Variants in ACSL1 observed in about 807,000 individuals in gnomAD.
ACSL1 encodes the protein acyl-CoA synthetase long chain family member 1.
A neutral mutation model predicts 98.4 loss-of-function variants in ACSL1; 41 were observed. The observed-to-expected ratio is 0.42, with a 90% CI of 0.32 to 0.54. The LOEUF (loss-of-function observed/expected upper bound fraction) is 0.54, where lower values mean the gene tolerates loss of function less well. Among genes scored for constraint, ACSL1 ranks in the 20% least tolerant of loss-of-function variants. The probability of loss-of-function intolerance (pLI) is 0.13; values close to 1 mark genes in which losing one functional copy is unlikely to be tolerated. For missense variants in ACSL1, 734 were observed against 883.1 expected (o/e 0.83, Z 2.14); for synonymous variants, 316 against 322.7 (o/e 0.98, Z 0.22).
At chr4:184,793,739 C>T (rs180805682) in intron 2 of ACSL1, among the ~76,000 whole-genome samples, 83 of 152,278 alleles carry the variant, frequency 5.5e-4, no homozygotes, top group Non-Finnish European at 2.9e-5. Context: ...CTGCCAAAGA[C>T]GTGGCTGGGT....
chr4:184,804,345 C>T (rs935323781), intron 1 of ACSL1, among the ~76,000 whole-genome samples: 2 of 152,178 alleles, frequency 1.3e-5, no homozygotes, highest in South Asian at 4.2e-4. Context: ...TTTGGGAAGC[C>T]GAGGCGGGTG....
intron 3 of ACSL1, among the ~76,000 whole-genome samples, chr4:184,785,600 CGGGGGCGG>C (rs572722213): frequency 4.2e-4 from 8 of 19,188 alleles, no homozygotes; most frequent in East Asian, 8.3e-3. Flanking sequence ...TCCTCCTGGG[CGGGGGCGG>C]GGGGGGGGGG....
At chr4:184,791,514 T>TC (rs1241041246) in intron 2 of ACSL1, among the ~76,000 whole-genome samples, 6 of 152,216 alleles carry the variant, frequency 3.9e-5, no homozygotes, top group African/African-American at 1.4e-4. Context: ...GGGGATGCGA[T>TC]CCAGCAATCT....
At chr4:184,781,069 T>C (rs181056475) in intron 4 of ACSL1, among the ~76,000 whole-genome samples, 168 of 151,980 alleles carry the variant, frequency 1.1e-3, no homozygotes, top group African/African-American at 3.9e-3. Context: ...ACCCCGTCTC[T>C]ACTGAAAATA....
Position 184,766,899 on chromosome 4 carries a change from G to T in ACSL1, c.1129-143C>A. On this transcript the variant is annotated intron_variant, in intron 12 of 20. Transcript: ENST00000281455. This position sits in a 1 kb window ranked among gnomAD's most constrained non-coding sequence, Gnocchi z 4.8. ...TGACAGCCTGGCCGGTCCTCTAACG[G>T]CCCCACATGGTCAGCACAGGACAGC... The T allele has an allele frequency of 1.1e-6, 1 of 906,956 alleles. No individual in the cohort carries two copies. The highest frequency in any genetic ancestry group is 1.6e-6 in the Non-Finnish European group (1 of 613,928). 56.2% of individuals were successfully genotyped at this position (906,956 alleles called of 1,614,324 possible). A position where few individuals can be genotyped will look rare whatever the true frequency, so the allele number is the denominator to read the frequency against.
chr4:184,821,288 G>T, intron 1 of ACSL1: 1 of 343,476 alleles, frequency 2.9e-6, no homozygotes. Context: ...GCTTAATAAA[G>T]GAATAAATAG....
chr4:184,815,901 A>G (rs920748761), intron 1 of ACSL1, among the ~76,000 whole-genome samples: 2 of 152,138 alleles, frequency 1.3e-5, no homozygotes, highest in African/African-American at 4.8e-5. Flanking sequence ...TGGGTGGATC[A>G]TCTGAGGCCA....
chr4:184,761,889 G>A (rs1396145591), intron 17 of ACSL1, among the ~76,000 whole-genome samples: 1 of 152,230 alleles, frequency 6.6e-6, no homozygotes, highest in Admixed American at 6.5e-5. Context: ...CACTTTGGGA[G>A]GCTGAGGCGG....
At chr4:184,822,269 A>C (rs1012463858) in intron 1 of ACSL1, among the ~76,000 whole-genome samples, 5 of 152,082 alleles carry the variant, frequency 3.3e-5, no homozygotes, top group Non-Finnish European at 7.4e-5. Flanking sequence ...CATCCTTCTA[A>C]GGCAGGCAGC....
chr4:184,809,865 T>C (rs561979313), intron 1 of ACSL1, among the ~76,000 whole-genome samples: 4 of 152,224 alleles, frequency 2.6e-5, no homozygotes, highest in Non-Finnish European at 5.9e-5. Flanking sequence ...TCTTTGAATA[T>C]GCATCTTCAA....
chr4:184,766,827 C>A lies in ACSL1; in HGVS notation c.1129-71G>T. The A allele has an allele frequency of 6.6e-7, 1 of 1,508,842 alleles. No individual in the cohort carries two copies. The highest frequency in any genetic ancestry group is 9.0e-7 in the Non-Finnish European group (1 of 1,109,538). The allele number at this position is 1,508,842 out of a possible 1,614,324, so 93.5% of individuals were successfully genotyped here. On this transcript the variant is annotated intron_variant, in intron 12 of 20. Transcript: ENST00000281455. This position sits in a 1 kb window ranked among gnomAD's most constrained non-coding sequence, Gnocchi z 4.8. ...CCAGAGTCAAAGAGTGTGGAGAAATCAGAACCCTCACACACAGCTGGGGAA... is the reference window on the plus strand; with the variant it reads ...CCAGAGTCAAAGAGTGTGGAGAAATAAGAACCCTCACACACAGCTGGGGAA...
chr4:184,760,628 G>A (rs1291250048), intron 17 of ACSL1, 128 bp from the exon 18 acceptor site: 1 of 1,332,896 alleles, frequency 7.5e-7, no homozygotes, highest in Non-Finnish European at 1.0e-6. Context: ...TCCCACAGAG[G>A]TCAGTTATGA....
Position 184,757,936 on chromosome 4 carries a change from A to G in ACSL1, c.1783-16T>C, listed in dbSNP as rs1157473052. The G allele has an allele frequency of 4.4e-6, 7 of 1,605,402 alleles. No homozygotes were observed. Among genetic ancestry groups the G allele is most frequent in the Non-Finnish European group, 6.0e-6 (7 of 1,172,304 alleles). ...TGAGAAATGCCTTTAACACAGACAA[A>G]TGAGTTATTACATAGCTTGATCCAA... On this transcript the variant is annotated splice_polypyrimidine_tract_variant and intron_variant, in intron 18 of 20. Transcript: ENST00000281455. This position sits in a 1 kb window ranked among gnomAD's most constrained non-coding sequence, Gnocchi z 4.5.
At chr4:184,788,534 A>G (rs1767804654) in intron 3 of ACSL1, 83 bp downstream of exon 3, 1 of 1,110,898 alleles carries the variant, frequency 9.0e-7, no homozygotes, top group Non-Finnish European at 1.4e-6. Context: ...GAAAGATAGG[A>G]GCAAATGTGC....
Position 184,825,407 on chromosome 4 carries a change from G to A in ACSL1, c.-33+509C>T, listed in dbSNP as rs1186757040. ...CCTCTGAGCTGCCTGTGGGCCTCGTGCCGCCGCGCTGCGTGGGGCCGGCAT... is the reference window on the plus strand; with the variant it reads ...CCTCTGAGCTGCCTGTGGGCCTCGTACCGCCGCGCTGCGTGGGGCCGGCAT... On this transcript the variant is annotated intron_variant, in intron 1 of 20. Coordinates refer to ENST00000281455, the MANE Select transcript of ACSL1 (RefSeq NM_001995.5). This position sits in a 1 kb window ranked among gnomAD's most constrained non-coding sequence, Gnocchi z 4.7. 1 of 256,900 alleles carries A rather than the reference G, an allele frequency of 3.9e-6. No homozygotes were observed. The highest frequency in any genetic ancestry group is 6.1e-6 in the Non-Finnish European group (1 of 164,228). The allele number at this position is 256,900 out of a possible 1,614,324, so 15.9% of individuals were successfully genotyped here.
chr4:184,762,137 A>C (rs541983968), intron 17 of ACSL1, among the ~76,000 whole-genome samples: 1 of 152,124 alleles, frequency 6.6e-6, no homozygotes, highest in East Asian at 1.9e-4. Context: ...GTCTCAAAAA[A>C]AAAAAACCCC....
Position 184,773,286 on chromosome 4 carries a change from A to G in ACSL1, c.842-132T>C, listed in dbSNP as rs1764778653. ...TCGTGAAAACCAAATGTTGAACACTAAATTCCTAAGCAACCTGCAATCCTT... is the reference window on the plus strand; with the variant it reads ...TCGTGAAAACCAAATGTTGAACACTGAATTCCTAAGCAACCTGCAATCCTT... On this transcript the variant is annotated intron_variant, in intron 9 of 20. Transcript: ENST00000281455. The surrounding 1 kb of genome is among the most constrained non-coding windows in gnomAD (Gnocchi z 4.3). The G allele has an allele frequency of 9.0e-6, 7 of 776,652 alleles. No homozygotes were observed. The highest frequency in any genetic ancestry group is 1.4e-5 in the Non-Finnish European group (7 of 482,992). 48.1% of individuals were successfully genotyped at this position (776,652 alleles called of 1,614,324 possible).
intron 17 of ACSL1, among the ~76,000 whole-genome samples, chr4:184,761,032 T>C (rs761226600): frequency 1.3e-5 from 2 of 152,194 alleles, no homozygotes; most frequent in Non-Finnish European, 2.9e-5. Context: ...CTCTAGCATC[T>C]CTGGACCAGA....
intron 5 of ACSL1, among the ~76,000 whole-genome samples, chr4:184,779,559 A>C (rs1346930659): frequency 6.6e-6 from 1 of 152,206 alleles, no homozygotes; most frequent in African/African-American, 2.4e-5. Context: ...GCTGGCTAGC[A>C]GTGAGTACTG....
Sources: gnomAD v4.1 joint callset for allele counts (sites outside exome capture counted in the v4.1 genomes callset) on GRCh38, gnomAD v4.1.1 for gene constraint, Gnocchi (gnomAD v3.1) non-coding constraint, MANE v1.5 for transcripts, NCBI Gene and HGNC (gene_info 2026-07-23, HGNC 2026-07-21) for gene names.